LEKR1: variants seen among roughly 807,000 people sequenced by gnomAD.
LEKR1 encodes the protein leucine, glutamate and lysine rich 1, also known as protein LEKR1.
LEKR1 carries 59 observed loss-of-function variants against 72.4 expected under a neutral mutation model. The ratio of observed to expected loss-of-function variants is 0.82; its 90% CI spans 0.66 to 1.01. The LOEUF (loss-of-function observed/expected upper bound fraction) is 1.01. LEKR1 is among the 50% of genes least tolerant of loss of function. LEKR1 has a pLI of 0.00. For missense variants in LEKR1, 728 were observed against 759.2 expected, an observed-to-expected ratio of 0.96 and a Z score of 0.48; for synonymous variants, 257 against 263.2, an observed-to-expected ratio of 0.98 and a Z score of 0.23.
At chr3:156,953,162 T>TAA (rs35741457) in intron 6 of LEKR1, among the ~76,000 whole-genome samples, 54 of 146,668 alleles carry the variant, frequency 3.7e-4, no homozygotes, top group Middle Eastern at 3.4e-3. Context: ...GGGGAGTCTT[T>TAA]AAAAAAAAAA....
At chr3:156,880,875 T>C (rs1031787767) in intron 3 of LEKR1, among the ~76,000 whole-genome samples, 6 of 152,244 alleles carry the variant, frequency 3.9e-5, no homozygotes, top group African/African-American at 2.4e-5. Context: ...TAATCCAGCA[T>C]ATAAACAGAA....
chr3:156,881,580 G>T (rs1209996097), intron 3 of LEKR1, among the ~76,000 whole-genome samples: 1 of 150,974 alleles, frequency 6.6e-6, no homozygotes, highest in East Asian at 1.9e-4. Context: ...ACTGCCCAAG[G>T]TAATTTACAG....
chr3:156,913,322 T>C (rs1405045918), intron 3 of LEKR1, among the ~76,000 whole-genome samples: 1 of 152,206 alleles, frequency 6.6e-6, no homozygotes, highest in Non-Finnish European at 1.5e-5. Context: ...CAGTGTGTTG[T>C]AGTTCTTGCA....
intron 10 of LEKR1, among the ~76,000 whole-genome samples, chr3:157,023,825 G>A (rs758697681): frequency 4.6e-5 from 7 of 152,166 alleles, no homozygotes; most frequent in Non-Finnish European, 5.9e-5. Context: ...GTCCCTTCTA[G>A]CATTATGATT....
intron 2 of LEKR1, among the ~76,000 whole-genome samples, chr3:156,844,113 G>A (rs1714275389): frequency 6.6e-6 from 1 of 152,072 alleles, no homozygotes; most frequent in African/African-American, 2.4e-5. Flanking sequence ...GGAAAAATAG[G>A]TATTGGAGGA....
chr3:156,873,994 A>T (rs1408482681), intron 3 of LEKR1, among the ~76,000 whole-genome samples: 1 of 152,082 alleles, frequency 6.6e-6, no homozygotes, highest in Non-Finnish European at 1.5e-5. Context: ...TTTTGAATTT[A>T]TCTATTTGGA....
chr3:156,994,568 C>A (rs1440035040), intron 9 of LEKR1, among the ~76,000 whole-genome samples: 1 of 151,954 alleles, frequency 6.6e-6, no homozygotes, highest in East Asian at 1.9e-4. Context: ...TTAGAAGCTG[C>A]AATTTTATAA....
At chr3:157,038,630 GGGAAGAAAACC>G (rs1735129699) in intron 12 of LEKR1, among the ~76,000 whole-genome samples, 5 of 152,070 alleles carry the variant, frequency 3.3e-5, no homozygotes, top group Admixed American at 1.3e-4. Context: ...CTGGTGAGGT[GGGAAGAAAACC>G]GGAAGAGAAC....
At chr3:156,969,563 C>T (rs1728963051) in intron 6 of LEKR1, among the ~76,000 whole-genome samples, 1 of 152,146 alleles carries the variant, frequency 6.6e-6, no homozygotes, top group Non-Finnish European at 1.5e-5. Context: ...CCTCCCAAGA[C>T]TAAACCAGGA....
intron 10 of LEKR1, among the ~76,000 whole-genome samples, chr3:157,019,415 A>G (rs996588567): frequency 6.6e-5 from 10 of 152,194 alleles, no homozygotes; most frequent in Non-Finnish European, 1.3e-4. Context: ...AATGCTCTGA[A>G]TGCTCTGGAG....
chr3:157,024,523 G>T (rs1459388415), intron 10 of LEKR1, among the ~76,000 whole-genome samples: 3 of 152,174 alleles, frequency 2.0e-5, no homozygotes. Flanking sequence ...CTGTCATATA[G>T]TTGTAACTCC....
intron 5 of LEKR1, among the ~76,000 whole-genome samples, chr3:156,941,758 G>A (rs945655003): frequency 6.6e-6 from 1 of 152,024 alleles, no homozygotes; most frequent in Non-Finnish European, 1.5e-5. Context: ...TTGAGTGTGT[G>A]TTCATGTGTT....
At chr3:156,950,237 C>G (rs1422355000) in intron 6 of LEKR1, among the ~76,000 whole-genome samples, 2 of 150,978 alleles carry the variant, frequency 1.3e-5, no homozygotes, top group African/African-American at 4.8e-5. Flanking sequence ...TTGATTACTA[C>G]AGCCTGGTAG....
chr3:157,022,072 T>A (rs1733880760), intron 10 of LEKR1, among the ~76,000 whole-genome samples: 1 of 152,128 alleles, frequency 6.6e-6, no homozygotes, highest in Non-Finnish European at 1.5e-5. Flanking sequence ...ACTGCCACCA[T>A]ACACAGTGTT....
chr3:156,932,081 T>G (rs1725278028), intron 5 of LEKR1, among the ~76,000 whole-genome samples: 1 of 152,196 alleles, frequency 6.6e-6, no homozygotes, highest in African/African-American at 2.4e-5. Context: ...CACCTTGATA[T>G]TCACAGGATG....
intron 5 of LEKR1, among the ~76,000 whole-genome samples, chr3:156,941,174 A>G (rs1445959634): frequency 6.6e-6 from 1 of 152,048 alleles, no homozygotes; most frequent in Admixed American, 6.6e-5. Context: ...TCATTAGACT[A>G]TATTAGAATC....
intron 12 of LEKR1, among the ~76,000 whole-genome samples, chr3:157,041,812 T>C (rs910583288): frequency 6.6e-6 from 1 of 152,236 alleles, no homozygotes; most frequent in African/African-American, 2.4e-5. Flanking sequence ...ACATTTGTCC[T>C]TGTTGCTCAG....
At chr3:156,862,511 A>G (rs544558206) in intron 3 of LEKR1, among the ~76,000 whole-genome samples, 1 of 152,192 alleles carries the variant, frequency 6.6e-6, no homozygotes, top group East Asian at 1.9e-4. Context: ...GGACGGAGAA[A>G]GAGCTGCTTC....
intron 3 of LEKR1, among the ~76,000 whole-genome samples, chr3:156,894,661 A>G (rs553969501): frequency 6.6e-6 from 1 of 152,348 alleles, no homozygotes; most frequent in East Asian, 1.9e-4. Flanking sequence ...GGCTACAGTA[A>G]TCAAAACAGC....
Sources: gnomAD v4.1 joint callset for allele counts (sites outside exome capture counted in the v4.1 genomes callset) on GRCh38, gnomAD v4.1.1 for gene constraint, MANE v1.5 for transcripts, NCBI Gene and HGNC (gene_info 2026-07-23, HGNC 2026-07-21) for gene names.